Variants in UNC5B observed in about 807,000 individuals in gnomAD.
The protein encoded by UNC5B is unc-5 netrin receptor B.
A neutral mutation model predicts 103.7 loss-of-function variants in UNC5B; 56 were observed. The ratio of observed to expected loss-of-function variants is 0.54; its 90% CI spans 0.44 to 0.67. UNC5B has a LOEUF of 0.67. Among genes scored for constraint, UNC5B ranks in the 30% least tolerant of loss-of-function variants. The probability of loss-of-function intolerance (pLI) is 0.00; values close to 1 mark genes in which losing one functional copy is unlikely to be tolerated. For missense variants in UNC5B, 1,194 were observed against 1,284.5 expected, an observed-to-expected ratio of 0.93 and a Z score of 1.08; for synonymous variants, 577 against 542.0, an observed-to-expected ratio of 1.06 and a Z score of -0.90.
intron 1 of UNC5B, among the ~76,000 whole-genome samples, chr10:71,215,575 C>T (rs570541775): frequency 1.3e-5 from 2 of 152,090 alleles, no homozygotes; most frequent in African/African-American, 2.4e-5. Context: ...ACCATAAAAC[C>T]CCAGACCCTT....
rs58378731 is a variant in UNC5B, at chr10:71,224,364, G to GACACACACACACACAC, written c.79+11337_79+11352dup. ...CTGGTCCATCCCACTTCTGTATGTA[G>GACACACACACACACAC]ACACACACACACACACACACACACA... On this transcript the variant is annotated intron_variant, in intron 1 of 16. Transcript: ENST00000335350. Among the ~76,000 whole-genome samples, 64 of 97,350 alleles carry GACACACACACACACAC rather than the reference G, an allele frequency of 6.6e-4. 2 individuals are homozygous for GACACACACACACACAC. The highest frequency in any genetic ancestry group is 2.1e-3 in the African/African-American group (56 of 26,198). 63.9% of individuals were successfully genotyped at this position (97,350 alleles called of 152,430 possible). A position where few individuals can be genotyped will look rare whatever the true frequency, so the allele number is the denominator to read the frequency against.
Position 71,230,229 on chromosome 10 carries a change from G to A in UNC5B, c.79+17165G>A, listed in dbSNP as rs370263183. The stretch of plus-strand genomic sequence containing the variant: ...TCAGCTGTGATTAGGAGGAACCTGA[G>A]GGCCCTCACTCTGATTGGTCAGAGT... On this transcript the variant is annotated intron_variant, in intron 1 of 16. Transcript: ENST00000335350. 1.1e-4 allele frequency among the ~76,000 whole-genome samples: 16 copies of A among 152,234 alleles called. No individual in the cohort carries two copies. In the East Asian group the frequency reaches 2.7e-3, roughly 26 times the overall value.
chr10:71,278,734 C>A (rs551002275), intron 1 of UNC5B, among the ~76,000 whole-genome samples: 1 of 152,364 alleles, frequency 6.6e-6, no homozygotes, highest in Non-Finnish European at 1.5e-5. Flanking sequence ...CCTCCCTCCG[C>A]TGTAGGTGGG....
intron 1 of UNC5B, among the ~76,000 whole-genome samples, chr10:71,272,484 C>T (rs1168264347): frequency 2.0e-5 from 3 of 152,154 alleles, no homozygotes; most frequent in Non-Finnish European, 4.4e-5. Context: ...CAGGGCTGAC[C>T]GGAAGTGGAC....
chr10:71,268,645 C>T (rs184935646), intron 1 of UNC5B, among the ~76,000 whole-genome samples: 2 of 152,280 alleles, frequency 1.3e-5, no homozygotes. Flanking sequence ...CTCCCCTTTG[C>T]GAGGAAGGGT....
intron 8 of UNC5B, 152 bp downstream of exon 8, chr10:71,289,142 T>A: frequency 9.7e-7 from 1 of 1,034,738 alleles, no homozygotes; most frequent in South Asian, 1.6e-5. Context: ...TGCATGTGTC[T>A]GCATCTCCAT....
rs541584630 is a variant in UNC5B, at chr10:71,231,072, C to T, written c.79+18008C>T. On this transcript the variant is annotated intron_variant, in intron 1 of 16. Transcript: ENST00000335350. ...TCTCTCTGAGCCTCAGTTTCCCTGTCTGTTAAATGAGGGGGTTGGACTAGT... is the reference window on the plus strand; with the variant it reads ...TCTCTCTGAGCCTCAGTTTCCCTGTTTGTTAAATGAGGGGGTTGGACTAGT... 1.5e-4 allele frequency among the ~76,000 whole-genome samples: 23 copies of T among 152,330 alleles called. 1 individual carries two copies. In the South Asian group the frequency reaches 4.1e-3, roughly 27 times the overall value.
Position 71,290,956 on chromosome 10 carries a change from G to T in UNC5B, c.1141G>T (p.Val381Leu). The part of the protein sequence containing the change: ...SGDAALYAGL[V>L]VAIFVVVAIL... Reference sequence around the variant, plus strand: ...GGATGCGGCGCTGTATGCGGGGCTCGTGGTGGCCATCTTCGTGGTCGTGGC... The same window carrying T: ...GGATGCGGCGCTGTATGCGGGGCTCTTGGTGGCCATCTTCGTGGTCGTGGC... The change falls in exon 9 of 17, where the codon GTG (valine) becomes TTG (leucine). Residue 381 changes from valine (V) to leucine (L), a missense_variant. Transcript: ENST00000335350. 6.2e-7 allele frequency: 1 copy of T among 1,613,952 alleles called. No individual in the cohort carries two copies. Among genetic ancestry groups the T allele is most frequent in the Non-Finnish European group, 8.5e-7 (1 of 1,180,026 alleles).
At chr10:71,226,653 C>G (rs538179620) in intron 1 of UNC5B, among the ~76,000 whole-genome samples, 1 of 152,346 alleles carries the variant, frequency 6.6e-6, no homozygotes, top group Non-Finnish European at 1.5e-5. Flanking sequence ...TCAGCAGCAT[C>G]CAATTCCATT....
At chr10:71,294,431 C>G (rs1029936936) in intron 13 of UNC5B, among the ~76,000 whole-genome samples, 2 of 152,138 alleles carry the variant, frequency 1.3e-5, no homozygotes, top group Non-Finnish European at 2.9e-5. Flanking sequence ...GGAATCCATC[C>G]GGCAGGAAGG....
In UNC5B at chr10:71,296,612, A is replaced by G. The variant is rs1177874562; in HGVS notation, c.2360A>G (p.Gln787Arg). 6.2e-7 allele frequency: 1 copy of G among 1,613,786 alleles called. No individual in the cohort carries two copies. The highest frequency in any genetic ancestry group is 8.5e-7 in the Non-Finnish European group (1 of 1,180,028). The change falls in exon 15 of 17, where the codon CAG becomes CGG. Residue 787 changes from glutamine to arginine, a missense_variant. Transcript: ENST00000335350. ...IPFYHIWSGS[Q>R]KALHCTFTLE... ...TTCTATCACATTTGGAGTGGCAGCC[A>G]GAAGGCCCTCCACTGCACTTTCACC...
chr10:71,255,569 T>TACTA (rs1844271770), intron 1 of UNC5B, among the ~76,000 whole-genome samples: 1 of 152,222 alleles, frequency 6.6e-6, no homozygotes, highest in African/African-American at 2.4e-5. Flanking sequence ...GGACAGGCTT[T>TACTA]ACTAAGAGGC....
intron 1 of UNC5B, among the ~76,000 whole-genome samples, chr10:71,243,966 C>T (rs889366671): frequency 1.3e-5 from 2 of 152,218 alleles, no homozygotes; most frequent in Admixed American, 1.3e-4. Flanking sequence ...GCAACTTGCC[C>T]GAGGTCACAC....
chr10:71,227,651 T>C (rs1271953230), intron 1 of UNC5B, among the ~76,000 whole-genome samples: 4 of 137,980 alleles, frequency 2.9e-5, no homozygotes, highest in African/African-American at 1.3e-4. Context: ...CATATACATA[T>C]ATATACATAT....
chr10:71,234,542 G>A (rs1843739595), intron 1 of UNC5B, among the ~76,000 whole-genome samples: 1 of 152,226 alleles, frequency 6.6e-6, no homozygotes, highest in East Asian at 1.9e-4. Flanking sequence ...CTGTCAAGCT[G>A]TGTGAGAACC....
chr10:71,278,305 C>T (rs1428527495), intron 1 of UNC5B, among the ~76,000 whole-genome samples: 1 of 152,234 alleles, frequency 6.6e-6, no homozygotes, highest in African/African-American at 2.4e-5. Context: ...ATGTTTGTCT[C>T]ATCCTCAGAG....
At chr10:71,247,806 C>T (rs1443159083) in intron 1 of UNC5B, among the ~76,000 whole-genome samples, 1 of 152,146 alleles carries the variant, frequency 6.6e-6, no homozygotes, top group Non-Finnish European at 1.5e-5. Context: ...AGACATGCTT[C>T]CTTTTTTGCT....
Position 71,233,197 on chromosome 10 carries a change from C to T in UNC5B, c.79+20133C>T, listed in dbSNP as rs552152084. ...TCCCAAAGGTAAAGCAAGAGTTGGA[C>T]TGGGTGGTCTTCCAGGAAGGTAGGA... On this transcript the variant is annotated intron_variant, in intron 1 of 16. Coordinates refer to ENST00000335350, the MANE Select transcript of UNC5B (RefSeq NM_170744.5). 2.1e-4 allele frequency among the ~76,000 whole-genome samples: 32 copies of T among 152,308 alleles called. 1 individual carries two copies. In the South Asian group the frequency reaches 6.6e-3, roughly 32 times the overall value.
At chr10:71,292,110 CTACAA>C (rs1241929812) in intron 10 of UNC5B, among the ~76,000 whole-genome samples, 1 of 152,212 alleles carries the variant, frequency 6.6e-6, no homozygotes, top group Non-Finnish European at 1.5e-5. Context: ...TTCAGCAGAC[CTACAA>C]AGCACTGTCC....
Sources: allele counts gnomAD v4.1 joint callset (sites outside exome capture counted in the v4.1 genomes callset), GRCh38; gene constraint gnomAD v4.1.1; transcripts MANE v1.5; gene names NCBI Gene and HGNC (gene_info 2026-07-23, HGNC 2026-07-21).